LPP: variants seen among roughly 807,000 people sequenced by gnomAD.
The protein encoded by LPP is lipoma-preferred partner.
In LPP, 38 loss-of-function variants were observed where a neutral mutation model predicts 60.4. That is an observed-to-expected ratio of 0.63 (90% CI 0.49 to 0.83). LPP has a LOEUF of 0.83. Among genes scored for constraint, LPP ranks in the 40% least tolerant of loss-of-function variants. The pLI is 0.00. For synonymous variants in LPP, 328 were observed against 290.8 expected (o/e 1.13, Z -1.30); for missense variants, 902 against 783.6 (o/e 1.15, Z -1.80).
intron 1 of LPP, among the ~76,000 whole-genome samples, chr3:188,188,680 T>C (rs963245239): frequency 6.6e-6 from 1 of 152,180 alleles, no homozygotes; most frequent in Non-Finnish European, 1.5e-5. Context: ...GTTTGAGGAA[T>C]GGCAGGTTGT....
At chr3:188,159,768 T>C (rs927128229) in intron 1 of LPP, among the ~76,000 whole-genome samples, 3 of 152,042 alleles carry the variant, frequency 2.0e-5, no homozygotes, top group African/African-American at 7.2e-5. Flanking sequence ...GGACTGGGAG[T>C]GTAGAGCTGA....
intron 9 of LPP, among the ~76,000 whole-genome samples, chr3:188,820,619 C>T (rs1054056680): frequency 6.6e-5 from 10 of 152,140 alleles, no homozygotes; most frequent in African/African-American, 2.4e-4. Context: ...AACTTAATTT[C>T]CTAAATCTGT....
chr3:188,240,516 A>T (rs546931787), intron 2 of LPP, among the ~76,000 whole-genome samples: 1 of 152,274 alleles, frequency 6.6e-6, no homozygotes, highest in Non-Finnish European at 1.5e-5. Flanking sequence ...TGACTGCTTT[A>T]TTTTGTAGGG....
intron 7 of LPP, among the ~76,000 whole-genome samples, chr3:188,641,348 A>G (rs529379014): frequency 9.2e-5 from 14 of 152,340 alleles, no homozygotes; most frequent in African/African-American, 3.4e-4. Flanking sequence ...ATAGAAGTGT[A>G]CATCTTTCTA....
At chr3:188,414,439 C>T (rs532145581) in intron 4 of LPP, among the ~76,000 whole-genome samples, 2 of 152,206 alleles carry the variant, frequency 1.3e-5, no homozygotes, top group Non-Finnish European at 2.9e-5. Flanking sequence ...TGAAACACTT[C>T]ATGTCCCAGA....
chr3:188,647,301 C>T (rs1851283720), intron 7 of LPP, among the ~76,000 whole-genome samples: 1 of 152,134 alleles, frequency 6.6e-6, no homozygotes, highest in East Asian at 1.9e-4. Context: ...TGGCTTGATC[C>T]GGTAAAGAGC....
At chr3:188,518,128 T>C (rs969800635) in intron 5 of LPP, among the ~76,000 whole-genome samples, 3 of 152,182 alleles carry the variant, frequency 2.0e-5, no homozygotes, top group Non-Finnish European at 4.4e-5. Flanking sequence ...CTCTTCTCTT[T>C]ATAAATTACC....
chr3:188,807,118 T>TA (rs77932186), intron 9 of LPP, among the ~76,000 whole-genome samples: 18,263 of 121,490 alleles, frequency 0.15, 1,561 homozygotes, highest in Non-Finnish European at 0.2. Flanking sequence ...AGTAGAGAAT[T>TA]GGTTGGCCTT....
intron 9 of LPP, among the ~76,000 whole-genome samples, chr3:188,856,090 G>A (rs1182949734): frequency 6.6e-6 from 1 of 152,282 alleles, no homozygotes. Flanking sequence ...CAGGGGCTTT[G>A]TTGGACCTTG....
intron 8 of LPP, among the ~76,000 whole-genome samples, chr3:188,752,511 T>A (rs2150338488): frequency 6.6e-6 from 1 of 152,344 alleles, no homozygotes; most frequent in African/African-American, 2.4e-5. Flanking sequence ...GGGTTGTTTT[T>A]TGTTTTGTTT....
intron 5 of LPP, among the ~76,000 whole-genome samples, chr3:188,493,402 G>A (rs903185051): frequency 7.9e-5 from 12 of 151,966 alleles, no homozygotes; most frequent in African/African-American, 2.7e-4. Flanking sequence ...GACACAGCTC[G>A]CTTTTTACCT....
At chr3:188,280,933 AT>A (rs71298542) in intron 2 of LPP, among the ~76,000 whole-genome samples, 86,510 of 141,414 alleles carry the variant, frequency 0.61, 26,072 homozygotes, top group Middle Eastern at 0.71. Flanking sequence ...CGACAAAGGA[AT>A]TTTTTTTTTT....
chr3:188,412,202 T>C (rs1040134853), intron 4 of LPP, among the ~76,000 whole-genome samples: 3 of 152,140 alleles, frequency 2.0e-5, no homozygotes, highest in African/African-American at 7.2e-5. Flanking sequence ...ATGCCAGTTC[T>C]CACTCTTTTT....
intron 6 of LPP, among the ~76,000 whole-genome samples, chr3:188,564,880 G>T (rs1186900694): frequency 2.0e-5 from 3 of 151,984 alleles, no homozygotes; most frequent in African/African-American, 4.8e-5. Flanking sequence ...GCTCCTGTTA[G>T]TGATTCTGTT....
intron 4 of LPP, among the ~76,000 whole-genome samples, chr3:188,416,667 C>T (rs914303415): frequency 2.0e-5 from 3 of 152,180 alleles, no homozygotes; most frequent in Non-Finnish European, 2.9e-5. Flanking sequence ...TCTTTTCCCT[C>T]AGTGCTTTCA....
intron 2 of LPP, among the ~76,000 whole-genome samples, chr3:188,268,897 C>T (rs1315193236): frequency 2.8e-5 from 4 of 143,876 alleles, no homozygotes; most frequent in African/African-American, 7.5e-5. Context: ...TCTCAACAAC[C>T]CTATAAGGTA....
intron 2 of LPP, chr3:188,247,045 T>G: frequency 4.6e-6 from 1 of 219,192 alleles, no homozygotes; most frequent in Non-Finnish European, 7.7e-6. Context: ...AAGCTTGACA[T>G]GTTTGTGTGG....
At chr3:188,754,706 T>C (rs1729580525) in intron 8 of LPP, among the ~76,000 whole-genome samples, 1 of 152,110 alleles carries the variant, frequency 6.6e-6, no homozygotes, top group Admixed American at 6.5e-5. Flanking sequence ...ACAGGCAAGA[T>C]TGAGAGTCAC....
At chr3:188,340,041 T>C (rs1053622198) in intron 2 of LPP, among the ~76,000 whole-genome samples, 2 of 152,208 alleles carry the variant, frequency 1.3e-5, no homozygotes, top group South Asian at 4.1e-4. Context: ...GACAATTGAA[T>C]TTTCTGTGCT....
Sources: gnomAD v4.1 joint callset for allele counts (sites outside exome capture counted in the v4.1 genomes callset) on GRCh38, gnomAD v4.1.1 for gene constraint, MANE v1.5 for transcripts, NCBI Gene and HGNC (gene_info 2026-07-23, HGNC 2026-07-21) for gene names.